Variants in DHTKD1 observed in about 807,000 individuals in gnomAD.
The protein encoded by DHTKD1 is dehydrogenase E1 and transketolase domain containing 1, also known as 2-oxoadipate dehydrogenase complex component E1.
Under a neutral mutation model 101.8 loss-of-function variants are expected in DHTKD1, and 78 were observed. The ratio of observed to expected loss-of-function variants is 0.77; its 90% CI spans 0.64 to 0.93. The LOEUF is 0.93. Ranked by LOEUF, DHTKD1 falls within the 40% of genes least tolerant of loss-of-function variation. The pLI is 0.00. For synonymous variants in DHTKD1, 462 were observed against 450.3 expected (o/e 1.03, Z -0.33); for missense variants, 1,223 against 1,161.7 (o/e 1.05, Z -0.77).
chr10:12,077,989 CAT>C (rs1832759990), intron 1 of DHTKD1, among the ~76,000 whole-genome samples: 1 of 152,040 alleles, frequency 6.6e-6, no homozygotes, highest in African/African-American at 2.4e-5. Flanking sequence ...ACGTGCCTGA[CAT>C]GAGAGAGGAC....
Position 12,073,434 on chromosome 10 carries a change from C to T in DHTKD1, c.154+4247C>T, listed in dbSNP as rs757586221. ...TGATCTCAGCTCACTGCAACCTCTA[C>T]CTCCCGGGTTTAAGAGATTCTCCTG... On this transcript the variant is annotated intron_variant, in intron 1 of 16. Coordinates refer to ENST00000263035, the MANE Select transcript of DHTKD1 (RefSeq NM_018706.7). 2.4e-4 allele frequency among the ~76,000 whole-genome samples: 37 copies of T among 151,986 alleles called. 1 individual carries two copies. The highest frequency in any genetic ancestry group is 7.4e-5 in the Non-Finnish European group (5 of 68,008).
chr10:12,120,660 CA>C, intron 16 of DHTKD1, 126 bp from the exon 17 acceptor site: 2 of 808,682 alleles, frequency 2.5e-6, no homozygotes. Context: ...CTGCGTAACT[CA>C]TTATTTGAAA....
Position 12,094,267 on chromosome 10 carries a change from A to T in DHTKD1, c.1354A>T (p.Ile452Phe). The change falls in exon 7 of 17, where the codon ATC (isoleucine) becomes TTC (phenylalanine). Residue 452 changes from isoleucine to phenylalanine, a missense_variant. By Grantham distance (21) the Ile-to-Phe change is conservative. Transcript: ENST00000263035. ...FYTNPIMYKIIRARKSIPDTY... is the reference protein window; with the variant it reads ...FYTNPIMYKIFRARKSIPDTY... ...CACCAACCCCATCATGTACAAAATC[A>T]TCAGGTACAATTATAAACCCTTGTG... 3 of 1,613,910 alleles carry T rather than the reference A, an allele frequency of 1.9e-6. No individual in the cohort carries two copies. Among genetic ancestry groups the T allele is most frequent in the Non-Finnish European group, 2.5e-6 (3 of 1,179,762 alleles).
At position 12,120,824 on chromosome 10, in the gene DHTKD1, C is replaced by G; in HGVS notation, c.2696C>G (p.Ala899Gly). 6.2e-7 allele frequency: 1 copy of G among 1,614,134 alleles called. No homozygotes were observed. The highest frequency in any genetic ancestry group is 8.5e-7 in the Non-Finnish European group (1 of 1,180,002). The change falls in exon 17 of 17, where the codon GCT (alanine) becomes GGT (glycine). Residue 899 changes from alanine (A) to glycine (G), a missense_variant. By Grantham distance (60) the Ala-to-Gly change is moderately conservative (BLOSUM62 0). Coordinates refer to ENST00000263035, the MANE Select transcript of DHTKD1 (RefSeq NM_018706.7). ...GGCCGGCCCCCTTTGCCAGTACCCG[C>G]TGTAGGAATTGGCACAGTTCACTTG... ...LVGRPPLPVP[A>G]VGIGTVHLHQ...
At chr10:12,112,141 C>T (rs546001138) in intron 12 of DHTKD1, among the ~76,000 whole-genome samples, 75 of 152,010 alleles carry the variant, frequency 4.9e-4, no homozygotes, top group Admixed American at 8.5e-4. Flanking sequence ...ATAACAAGAC[C>T]CCATCTCTAC....
At position 12,120,561 on chromosome 10, in the gene DHTKD1, C is replaced by T. The variant is rs146503029; in HGVS notation, c.2659-226C>T. Among the ~76,000 whole-genome samples the T allele has an allele frequency of 0.031, 4,659 of 152,146 alleles. 138 individuals are homozygous for T. The highest frequency in any genetic ancestry group is 0.044 in the Non-Finnish European group (3,022 of 68,016). On this transcript the variant is annotated intron_variant, in intron 16 of 16. Coordinates refer to ENST00000263035, the MANE Select transcript of DHTKD1 (RefSeq NM_018706.7). ...CCATGTTAGCCAGGATAGTCTCAAT[C>T]TCCTGACCTCGTGATCCGCCCACCT...
chr10:12,101,889 A>G (rs1443139777), intron 10 of DHTKD1, among the ~76,000 whole-genome samples: 1 of 152,224 alleles, frequency 6.6e-6, no homozygotes, highest in East Asian at 1.9e-4. Flanking sequence ...GGTGTGAGCC[A>G]CTGCACCCAG....
At chr10:12,089,426 C>A (rs1388245471) in intron 5 of DHTKD1, among the ~76,000 whole-genome samples, 171 bp downstream of exon 5, 1 of 152,148 alleles carries the variant, frequency 6.6e-6, no homozygotes, top group Non-Finnish European at 1.5e-5. Flanking sequence ...GAGGTTTAGT[C>A]TTCAGGCAAC....
intron 9 of DHTKD1, 28 bp downstream of exon 9, chr10:12,100,290 T>TTTTC: frequency 3.6e-6 from 3 of 843,578 alleles, no homozygotes; most frequent in African/African-American, 1.9e-5. Flanking sequence ...TTTTTCTGTT[T>TTTTC]TTTTTTTTTT....
At chr10:12,100,658 A>G (rs1479218820) in intron 9 of DHTKD1, among the ~76,000 whole-genome samples, 1 of 152,010 alleles carries the variant, frequency 6.6e-6, no homozygotes, top group African/African-American at 2.4e-5. Flanking sequence ...ACTACCTCCC[A>G]TTGTGTTCAT....
chr10:12,113,272 G>A (rs866043976), intron 13 of DHTKD1, among the ~76,000 whole-genome samples: 3 of 151,992 alleles, frequency 2.0e-5, no homozygotes, highest in Admixed American at 1.3e-4. Context: ...ATCTCGGCCC[G>A]TTGCAACCTC....
chr10:12,092,136 A>T (rs1215643358), intron 6 of DHTKD1, among the ~76,000 whole-genome samples: 2 of 151,912 alleles, frequency 1.3e-5, no homozygotes, highest in African/African-American at 4.8e-5. Flanking sequence ...GGTGTACACC[A>T]CCACACCTGT....
chr10:12,075,265 C>T (rs868110882), intron 1 of DHTKD1, among the ~76,000 whole-genome samples: 4 of 152,092 alleles, frequency 2.6e-5, no homozygotes, highest in African/African-American at 4.8e-5. Context: ...CTGCAGCCTC[C>T]GCCTTCTGGG....
rs776192306 is a variant in DHTKD1, at chr10:12,120,926, A to G, written c.*38A>G. On this transcript the variant is annotated 3_prime_UTR_variant, in exon 17 of 17. Transcript: ENST00000263035. ...AAGAAACACTATTTCTCTTTAAGAA[A>G]ATGGCCATTAAGGCCGGGTGGGGTG... is the stretch of plus-strand genomic sequence containing the variant. 6.3e-7 allele frequency: 1 copy of G among 1,596,232 alleles called. No homozygotes were observed. The highest frequency in any genetic ancestry group is 1.7e-5 in the Admixed American group (1 of 59,602).
At position 12,120,875 on chromosome 10, in the gene DHTKD1, A is replaced by G. The variant is rs1016086446; in HGVS notation, c.2747A>G (p.Lys916Arg). ...HLHQHEDILA[K>R]TFA The stretch of plus-strand genomic sequence containing the variant: ...CACCAGCATGAAGATATCCTCGCCA[A>G]GACCTTCGCTTGATGATGACTTTTG... Residue 916 changes from lysine (K) to arginine (R), a missense_variant, in exon 17 of 17, where the codon AAG (lysine) becomes AGG (arginine). Coordinates refer to ENST00000263035, the MANE Select transcript of DHTKD1 (RefSeq NM_018706.7). 1.2e-6 allele frequency: 2 copies of G among 1,613,744 alleles called. No individual in the cohort carries two copies. The highest frequency in any genetic ancestry group is 1.7e-6 in the Non-Finnish European group (2 of 1,179,808).
intron 14 of DHTKD1, among the ~76,000 whole-genome samples, chr10:12,118,237 G>A (rs1833450601): frequency 6.6e-6 from 1 of 151,912 alleles, no homozygotes; most frequent in Non-Finnish European, 1.5e-5. Flanking sequence ...GTTAAGTGTG[G>A]GTGGGAAAGT....
intron 15 of DHTKD1, among the ~76,000 whole-genome samples, chr10:12,119,508 T>G (rs370786277): frequency 6.9e-6 from 1 of 145,762 alleles, no homozygotes; most frequent in Non-Finnish European, 1.5e-5. Flanking sequence ...CCCAGCTACT[T>G]GGGAGGCTGA....
chr10:12,119,029 G>A (rs372935076), intron 15 of DHTKD1, 111 bp downstream of exon 15: 44 of 1,112,508 alleles, frequency 4.0e-5, no homozygotes, highest in African/African-American at 2.7e-4. Context: ...ATCTTGGGCC[G>A]GGCGCGGTGG....
At chr10:12,116,360 T>C (rs1588619459) in intron 13 of DHTKD1, 1 of 152,312 alleles carries the variant, frequency 6.6e-6, no homozygotes. Flanking sequence ...TTTTAGTATA[T>C]GTGCTGCCAA....
Sources: allele counts gnomAD v4.1 joint callset (sites outside exome capture counted in the v4.1 genomes callset), GRCh38; gene constraint gnomAD v4.1.1; transcripts MANE v1.5; gene names NCBI Gene and HGNC (gene_info 2026-07-23, HGNC 2026-07-21).